The following SLC44A5 variants were observed in gnomAD, a reference collection of about 807,000 sequenced individuals.
SLC44A5 encodes the protein solute carrier family 44 member 5.
SLC44A5 carries 57 observed loss-of-function variants against 101.8 expected under a neutral mutation model. The observed-to-expected ratio is 0.56, with a 90% CI of 0.45 to 0.70. SLC44A5 has a LOEUF of 0.70. Ranked by LOEUF, SLC44A5 falls within the 30% of genes least tolerant of loss-of-function variation. The pLI is 0.00. For synonymous variants in SLC44A5, 281 were observed against 290.9 expected, an observed-to-expected ratio of 0.97 and a Z score of 0.35; for missense variants, 737 against 853.1, an observed-to-expected ratio of 0.86 and a Z score of 1.70.
In SLC44A5 at chr1:75,218,573, T is replaced by G; in HGVS notation, c.1446A>C (p.Ala482=). 1 of 1,613,852 alleles carries G rather than the reference T, an allele frequency of 6.2e-7. No individual in the cohort carries two copies. The change falls in exon 17 of 24, where the codon GCA becomes GCC. Residue 482 remains alanine (A), a synonymous_variant. Coordinates refer to ENST00000370859, the MANE Select transcript of SLC44A5 (RefSeq NM_001130058.2). ...TCATGGCCCAGTAATAAGTAGCGAA[T>G]GCACCAGCAAGGGCGCACTGACCTA... is the stretch of plus-strand genomic sequence containing the variant. The part of the protein sequence containing the change: ...IALGQCALAG[A]FATYYWAMKK...
chr1:75,524,517 A>C (rs1347166251), intron 2 of SLC44A5, among the ~76,000 whole-genome samples: 1 of 152,178 alleles, frequency 6.6e-6, no homozygotes, highest in African/African-American at 2.4e-5. Context: ...ATTACAGGAA[A>C]GGTAACCATA....
chr1:75,533,641 G>T (rs1670840435), intron 2 of SLC44A5, among the ~76,000 whole-genome samples: 1 of 152,082 alleles, frequency 6.6e-6, no homozygotes, highest in African/African-American at 2.4e-5. Context: ...ATATGTCTTT[G>T]TACCCAAAGA....
At position 75,234,737 on chromosome 1, in the gene SLC44A5, C is replaced by T. The variant is rs116042227; in HGVS notation, c.741-639G>A. 4.0e-3 allele frequency among the ~76,000 whole-genome samples: 612 copies of T among 152,106 alleles called. 2 individuals carry two copies. The highest frequency in any genetic ancestry group is 0.017 in the Middle Eastern group (5 of 294). The stretch of plus-strand genomic sequence containing the variant: ...TGGAATCATGATAAGGCTTCTGTGT[C>T]TCCAGGGACATGTGACTTTATCAAG... On this transcript the variant is annotated intron_variant, in intron 11 of 23. Transcript: ENST00000370859.
At chr1:75,679,440 AG>A in the SLC44A5 span, among the ~76,000 whole-genome samples, 2 of 152,208 alleles carry the variant, frequency 1.3e-5, no homozygotes, top group Admixed American at 1.3e-4. Context: ...AAGCCAGAAG[AG>A]AGTGGGGGCC....
chr1:75,245,316 A>G lies in SLC44A5; in HGVS notation c.346-2305T>C, dbSNP rs1649010176. On this transcript the variant is annotated intron_variant, in intron 7 of 23. Coordinates refer to ENST00000370859, the MANE Select transcript of SLC44A5 (RefSeq NM_001130058.2). ...TAGTGGCTTCATAGGTATCTTTCTAAGAAAGCTGAAGAACAATTTAGGGAC... is the reference window on the plus strand; with the variant it reads ...TAGTGGCTTCATAGGTATCTTTCTAGGAAAGCTGAAGAACAATTTAGGGAC... 5.3e-5 allele frequency among the ~76,000 whole-genome samples: 8 copies of G among 152,168 alleles called. No individual in the cohort carries two copies. The South Asian group carries it at 1.7e-3, about 31-fold the overall frequency.
At chr1:75,553,280 A>G (rs978562020) in intron 1 of SLC44A5, among the ~76,000 whole-genome samples, 1 of 152,188 alleles carries the variant, frequency 6.6e-6, no homozygotes, top group Non-Finnish European at 1.5e-5. Flanking sequence ...GTACAAGAGT[A>G]ATAAGACATA....
intron 2 of SLC44A5, among the ~76,000 whole-genome samples, chr1:75,536,669 T>C (rs1671032714): frequency 2.9e-5 from 4 of 139,310 alleles, no homozygotes; most frequent in Admixed American, 2.8e-4. Context: ...AATAAATAAA[T>C]AAATAATTAT....
chr1:75,336,915 T>C (rs1472643337), intron 4 of SLC44A5, among the ~76,000 whole-genome samples: 1 of 152,172 alleles, frequency 6.6e-6, no homozygotes, highest in East Asian at 1.9e-4. Context: ...TGCTACTACT[T>C]TCCTGTTAGC....
At chr1:75,340,447 T>C (rs1019418088) in intron 3 of SLC44A5, among the ~76,000 whole-genome samples, 4 of 152,170 alleles carry the variant, frequency 2.6e-5, no homozygotes. Flanking sequence ...TATAAAAAGG[T>C]CTGGTCCTGA....
intron 3 of SLC44A5, among the ~76,000 whole-genome samples, chr1:75,390,410 CA>C (rs34118379): frequency 0.011 from 1,012 of 88,210 alleles, 5 homozygotes; most frequent in African/African-American, 0.023. Context: ...AAATCCTTAA[CA>C]AAAAAAAAAA....
the SLC44A5 span, among the ~76,000 whole-genome samples, chr1:75,713,359 G>A: frequency 6.6e-6 from 1 of 152,014 alleles, no homozygotes; most frequent in Non-Finnish European, 1.5e-5. Context: ...ACCAATCTAT[G>A]GGCATCTAAA....
chr1:75,703,349 T>C, the SLC44A5 span, among the ~76,000 whole-genome samples: 1 of 152,202 alleles, frequency 6.6e-6, no homozygotes, highest in Non-Finnish European at 1.5e-5. Context: ...GATGAGTTCA[T>C]GTCCTTTGTA....
At chr1:75,302,104 G>GTTTTTTTTTTCTTTTTTTT (rs1204998592) in intron 4 of SLC44A5, among the ~76,000 whole-genome samples, 1 of 49,590 alleles carries the variant, frequency 2.0e-5, no homozygotes, top group Non-Finnish European at 3.4e-5. Context: ...AGGTGCTCTA[G>GTTTTTTTTTTCTTTTTTTT]TTTTTTTGTT....
intron 1 of SLC44A5, among the ~76,000 whole-genome samples, chr1:75,590,111 A>G (rs1183613801): frequency 2.0e-5 from 3 of 151,948 alleles, no homozygotes; most frequent in Admixed American, 1.3e-4. Flanking sequence ...GAGTGCTGGC[A>G]TCACCCTTCC....
chr1:75,644,784 C>G, the SLC44A5 span, among the ~76,000 whole-genome samples: 1 of 139,738 alleles, frequency 7.2e-6, no homozygotes, highest in Admixed American at 7.3e-5. Context: ...TGCTATCCCT[C>G]CCACCTCCCC....
At chr1:75,578,516 A>G (rs1038504548) in intron 1 of SLC44A5, among the ~76,000 whole-genome samples, 2 of 152,178 alleles carry the variant, frequency 1.3e-5, no homozygotes, top group African/African-American at 4.8e-5. Context: ...GCAGTGTGCT[A>G]AGTGAAGTAA....
At chr1:75,412,902 C>G (rs1443493031) in intron 2 of SLC44A5, among the ~76,000 whole-genome samples, 2 of 152,130 alleles carry the variant, frequency 1.3e-5, no homozygotes, top group East Asian at 3.9e-4. Context: ...GATCCAGGAT[C>G]ACCCAAAGCA....
chr1:75,491,089 C>T (rs148931698), intron 2 of SLC44A5, among the ~76,000 whole-genome samples: 4 of 152,176 alleles, frequency 2.6e-5, no homozygotes, highest in African/African-American at 9.6e-5. Context: ...TCGTAGTAAC[C>T]CCATTCCCCT....
intron 5 of SLC44A5, among the ~76,000 whole-genome samples, chr1:75,295,396 C>T (rs1653887288): frequency 6.6e-6 from 1 of 152,134 alleles, no homozygotes; most frequent in Non-Finnish European, 1.5e-5. Context: ...GACTAACTTG[C>T]TTTAAGAGAA....
Sources: gnomAD v4.1 joint callset for allele counts (sites outside exome capture counted in the v4.1 genomes callset) on GRCh38, gnomAD v4.1.1 for gene constraint, MANE v1.5 for transcripts, NCBI Gene and HGNC (gene_info 2026-07-23, HGNC 2026-07-21) for gene names.